RNLS: variants seen among roughly 807,000 people sequenced by gnomAD.
The protein encoded by RNLS is renalase, FAD dependent amine oxidase.
A neutral mutation model predicts 39.8 loss-of-function variants in RNLS; 39 were observed. That is an observed-to-expected ratio of 0.98 (90% CI 0.76 to 1.28). The LOEUF (loss-of-function observed/expected upper bound fraction) is 1.28, where lower values mean the gene tolerates loss of function less well. Among genes scored for constraint, RNLS ranks in the 50% most tolerant of loss-of-function variants. The pLI is 0.00. For synonymous variants in RNLS, 147 were observed against 150.7 expected (o/e 0.98, Z 0.18); for missense variants, 410 against 413.3 (o/e 0.99, Z 0.07).
intron 6 of RNLS, among the ~76,000 whole-genome samples, chr10:88,289,975 T>C (rs1215854048): frequency 5.3e-5 from 8 of 152,162 alleles, no homozygotes. Flanking sequence ...TGGGAAAATA[T>C]TGTCAATTTG....
chr10:88,526,817 T>C (rs1847127274), intron 4 of RNLS, among the ~76,000 whole-genome samples: 1 of 151,442 alleles, frequency 6.6e-6, no homozygotes, highest in Admixed American at 6.6e-5. Context: ...ATAACTGCCC[T>C]TCACTAAAGA....
Position 88,314,606 on chromosome 10 carries a change from T to C in RNLS, c.736A>G (p.Thr246Ala). The C allele has an allele frequency of 6.2e-7, 1 of 1,613,532 alleles. No homozygotes were observed. Among genetic ancestry groups the C allele is most frequent in the East Asian group, 2.2e-5 (1 of 44,848 alleles). The change falls in exon 6 of 7, where the codon ACC (threonine) becomes GCC (alanine). Residue 246 changes from threonine to alanine, a missense_variant. Thr to Ala is a moderately conservative substitution (Grantham distance 58). Coordinates refer to ENST00000331772, the MANE Select transcript of RNLS (RefSeq NM_001031709.3). ...TATGTAACTCCAAATGGGACAGTGG[T>C]GTGAATCACGAGGGAAGGCCCAATT... ...SEIGPSLVIH[T>A]TVPFGVTYLE... is the part of the protein sequence containing the mutation.
chr10:88,286,580 A>G (rs1363261727), intron 6 of RNLS, among the ~76,000 whole-genome samples: 1 of 152,074 alleles, frequency 6.6e-6, no homozygotes, highest in Non-Finnish European at 1.5e-5. Flanking sequence ...GCTTCACTGT[A>G]CAACTTCAGG....
chr10:88,448,221 A>T (rs1238343710), intron 4 of RNLS, among the ~76,000 whole-genome samples: 1 of 152,268 alleles, frequency 6.6e-6, no homozygotes, highest in Non-Finnish European at 1.5e-5. Flanking sequence ...GTGAACAGGC[A>T]ACCTACAGAA....
the RNLS span, among the ~76,000 whole-genome samples, chr10:88,183,509 G>T: frequency 6.6e-6 from 1 of 152,186 alleles, no homozygotes; most frequent in East Asian, 1.9e-4. Flanking sequence ...AAATTAAAGT[G>T]TCGTTTGAAC....
intron 4 of RNLS, among the ~76,000 whole-genome samples, chr10:88,396,209 TTC>T (rs1852549212): frequency 1.3e-5 from 2 of 152,050 alleles, no homozygotes; most frequent in African/African-American, 4.8e-5. Context: ...ACAAATTTCT[TTC>T]TGTTTGTAGC....
intron 4 of RNLS, among the ~76,000 whole-genome samples, chr10:88,559,893 T>A (rs1236798893): frequency 6.6e-6 from 1 of 152,018 alleles, no homozygotes; most frequent in Non-Finnish European, 1.5e-5. Flanking sequence ...GCACATGTAA[T>A]GGGAAAAATG....
At position 88,362,539 on chromosome 10, in the gene RNLS, T is replaced by C. The variant is rs757067682; in HGVS notation, c.700+13A>G. 2 of 1,610,500 alleles carry C rather than the reference T, an allele frequency of 1.2e-6. No individual in the cohort carries two copies. Among genetic ancestry groups the C allele is most frequent in the Non-Finnish European group, 1.7e-6 (2 of 1,177,684 alleles). Reference sequence around the variant, plus strand: ...TTGTTGCTGTATTTAAGGGAAATAATAGGGGTACTGACCTATATTGCGCTT... The same window carrying C: ...TTGTTGCTGTATTTAAGGGAAATAACAGGGGTACTGACCTATATTGCGCTT... On this transcript the variant is annotated intron_variant, in intron 5 of 6. Coordinates refer to ENST00000331772, the MANE Select transcript of RNLS (RefSeq NM_001031709.3).
intron 4 of RNLS, among the ~76,000 whole-genome samples, chr10:88,395,725 T>A (rs1462386261): frequency 3.3e-5 from 5 of 151,938 alleles, no homozygotes; most frequent in Non-Finnish European, 7.4e-5. Flanking sequence ...AAATCATGAA[T>A]CTACATCCAA....
At chr10:88,524,982 TA>T (rs1170979912) in intron 4 of RNLS, among the ~76,000 whole-genome samples, 13 of 134,680 alleles carry the variant, frequency 9.7e-5, no homozygotes, top group African/African-American at 3.5e-4. Context: ...TATATATATA[TA>T]TATATATATA....
intron 6 of RNLS, among the ~76,000 whole-genome samples, chr10:88,308,330 C>T (rs1296777864): frequency 6.6e-6 from 1 of 152,068 alleles, no homozygotes; most frequent in African/African-American, 2.4e-5. Context: ...AGGAAACTAA[C>T]AACAGAGTGA....
At chr10:88,415,611 C>T (rs1454605927) in intron 4 of RNLS, among the ~76,000 whole-genome samples, 1 of 152,192 alleles carries the variant, frequency 6.6e-6, no homozygotes, top group African/African-American at 2.4e-5. Flanking sequence ...ATTACTTGAT[C>T]TCTTTAGGCC....
intron 6 of RNLS, among the ~76,000 whole-genome samples, chr10:88,275,412 G>A (rs1419322940): frequency 6.6e-6 from 1 of 151,992 alleles, no homozygotes; most frequent in Non-Finnish European, 1.5e-5. Context: ...TTAACATTTT[G>A]CCTTATAAAA....
chr10:88,442,669 C>T (rs192928298), intron 4 of RNLS, among the ~76,000 whole-genome samples: 4 of 152,172 alleles, frequency 2.6e-5, no homozygotes, highest in African/African-American at 9.6e-5. Context: ...TCAACAGTTC[C>T]TTCTTACTTG....
At chr10:88,172,850 T>G in the RNLS span, among the ~76,000 whole-genome samples, 27 of 43,356 alleles carry the variant, frequency 6.2e-4, no homozygotes, top group Non-Finnish European at 6.4e-4. Flanking sequence ...TTGTTTTTTT[T>G]TTTTTTTTTT....
chr10:88,458,732 T>C (rs1589828894), intron 4 of RNLS, among the ~76,000 whole-genome samples: 1 of 152,260 alleles, frequency 6.6e-6, no homozygotes, highest in Non-Finnish European at 1.5e-5. Flanking sequence ...TATTTGTGTA[T>C]GGATTATGTC....
At chr10:88,576,633 G>A (rs954386031) in intron 3 of RNLS, among the ~76,000 whole-genome samples, 4 of 152,118 alleles carry the variant, frequency 2.6e-5, no homozygotes, top group East Asian at 1.9e-4. Context: ...ACATCGTTAC[G>A]GATGAGTGCC....
the RNLS span, among the ~76,000 whole-genome samples, chr10:88,251,258 T>C: frequency 4.6e-5 from 7 of 152,208 alleles, no homozygotes; most frequent in African/African-American, 1.7e-4. Context: ...TGCCTTCTAG[T>C]ACTTGGGTTT....
the RNLS span, among the ~76,000 whole-genome samples, chr10:88,200,011 C>T: frequency 6.6e-6 from 1 of 152,126 alleles, no homozygotes; most frequent in Non-Finnish European, 1.5e-5. Context: ...TGGCTGTTGT[C>T]CCAGCTACCC....
Sources: gnomAD v4.1 joint callset for allele counts (sites outside exome capture counted in the v4.1 genomes callset) on GRCh38, gnomAD v4.1.1 for gene constraint, MANE v1.5 for transcripts, NCBI Gene and HGNC (gene_info 2026-07-23, HGNC 2026-07-21) for gene names.